Variants in SOX5 observed in about 807,000 individuals in gnomAD.
SOX5 encodes the protein transcription factor SOX-5.
Under a neutral mutation model 92.0 loss-of-function variants are expected in SOX5, and 9 were observed. The ratio of observed to expected loss-of-function variants is 0.10; its 90% confidence interval spans 0.06 to 0.17. SOX5 has a LOEUF of 0.17. Among genes scored for constraint, SOX5 ranks in the 10% least tolerant of loss-of-function variants. The probability of loss-of-function intolerance (pLI) is 1.00; values close to 1 mark genes in which losing one functional copy is unlikely to be tolerated. For synonymous variants in SOX5, 344 were observed against 336.3 expected, an observed-to-expected ratio of 1.02 and a Z score of -0.25; for missense variants, 642 against 944.5, an observed-to-expected ratio of 0.68 and a Z score of 4.20.
rs112157063 is a variant in SOX5 at position 23,767,573 on chromosome 12, T to C, written c.482-11849A>G. 2.6e-3 allele frequency among the ~76,000 whole-genome samples: 401 copies of C among 152,316 alleles called. 1 individual carries two copies. Among genetic ancestry groups the C allele is most frequent in the African/African-American group, 9.2e-3 (383 of 41,584 alleles). On this transcript the variant is annotated intron_variant, in intron 3 of 14. Coordinates refer to ENST00000451604, the MANE Select transcript of SOX5 (RefSeq NM_006940.6). ...ATGGTAGAAAACAAAATAGTCTATG[T>C]ACCTTGAATATAACTAACAGGGATT...
chr12:24,304,626 T>C (rs1948366825), intron 2 of SOX5, among the ~76,000 whole-genome samples: 1 of 152,154 alleles, frequency 6.6e-6, no homozygotes. Context: ...TCTACTCGCT[T>C]CGTATTTTAG....
chr12:23,711,927 T>G (rs1168125625), intron 6 of SOX5, among the ~76,000 whole-genome samples: 1 of 152,226 alleles, frequency 6.6e-6, no homozygotes, highest in Non-Finnish European at 1.5e-5. Context: ...GGCACCATCT[T>G]GGTGCTCTAA....
intron 4 of SOX5, among the ~76,000 whole-genome samples, chr12:24,016,191 G>A (rs1041400098): frequency 2.0e-5 from 3 of 152,098 alleles, no homozygotes; most frequent in Admixed American, 6.5e-5. Context: ...ACCTACCCTC[G>A]TGCCTTGTCT....
intron 2 of SOX5, among the ~76,000 whole-genome samples, chr12:23,865,847 G>C (rs1046065573): frequency 6.6e-6 from 1 of 152,130 alleles, no homozygotes; most frequent in African/African-American, 2.4e-5. Context: ...AGCATTAAGA[G>C]GAGTTTGAAA....
intron 4 of SOX5, among the ~76,000 whole-genome samples, chr12:24,037,668 T>C (rs4963738): frequency 0.12 from 18,850 of 152,234 alleles, 1,335 homozygotes; most frequent in Non-Finnish European, 0.16. Context: ...CTTAAACTTA[T>C]TTCTATTCCA....
At chr12:23,688,271 A>T (rs12317024) in intron 6 of SOX5, among the ~76,000 whole-genome samples, 1 of 151,798 alleles carries the variant, frequency 6.6e-6, no homozygotes, top group Non-Finnish European at 1.5e-5. Context: ...ATTATTTTTT[A>T]GACATGTGAC....
intron 2 of SOX5, among the ~76,000 whole-genome samples, chr12:23,890,284 C>T (rs2097115227): frequency 6.7e-6 from 1 of 149,924 alleles, no homozygotes; most frequent in South Asian, 2.1e-4. Context: ...TATGTCATTG[C>T]ACTCCAGCCT....
At chr12:24,300,751 G>T (rs1243940575) in intron 2 of SOX5, among the ~76,000 whole-genome samples, 1 of 152,154 alleles carries the variant, frequency 6.6e-6, no homozygotes, top group African/African-American at 2.4e-5. Context: ...AGAGGTAGCT[G>T]ATAGTCTACA....
At chr12:24,228,459 T>G (rs1962582109) in intron 3 of SOX5, among the ~76,000 whole-genome samples, 1 of 152,230 alleles carries the variant, frequency 6.6e-6, no homozygotes, top group African/African-American at 2.4e-5. Context: ...TTTTTGTCCA[T>G]ATGGCATGAA....
intron 4 of SOX5, among the ~76,000 whole-genome samples, chr12:23,994,160 G>A (rs1323689713): frequency 6.6e-6 from 1 of 151,744 alleles, no homozygotes; most frequent in Non-Finnish European, 1.5e-5. Flanking sequence ...ACAAGAAAAA[G>A]GAATGTTTCT....
chr12:23,789,593 A>T (rs1475245467), intron 3 of SOX5, among the ~76,000 whole-genome samples: 2 of 152,164 alleles, frequency 1.3e-5, no homozygotes, highest in Non-Finnish European at 2.9e-5. Context: ...TTCTTATTGT[A>T]TTAATATAGC....
chr12:24,444,270 ATG>A (rs56206607), intron 1 of SOX5, among the ~76,000 whole-genome samples: 14,028 of 149,144 alleles, frequency 0.094, 672 homozygotes, highest in Middle Eastern at 0.14. Flanking sequence ...AGGCCACTGA[ATG>A]TGTGTGTGTG....
At position 23,858,488 on chromosome 12, in the gene SOX5, C is replaced by T. The variant is rs145277431; in HGVS notation, c.271-12295G>A. The stretch of plus-strand genomic sequence containing the variant: ...AGAGAAATTCAAATAAAAACCACAG[C>T]GAGATACCATCTCACACCAGTCAGA... On this transcript the variant is annotated intron_variant, in intron 2 of 14. Coordinates refer to ENST00000451604, the MANE Select transcript of SOX5 (RefSeq NM_006940.6). 1.1e-3 allele frequency among the ~76,000 whole-genome samples: 170 copies of T among 152,176 alleles called. 3 individuals are homozygous for T. In the East Asian group the frequency reaches 0.02, roughly 17 times the overall value.
intron 2 of SOX5, among the ~76,000 whole-genome samples, chr12:23,851,595 T>C (rs2096634333): frequency 6.6e-6 from 1 of 152,188 alleles, no homozygotes; most frequent in African/African-American, 2.4e-5. Flanking sequence ...GTAATGATTA[T>C]GGATCAAGTC....
intron 3 of SOX5, among the ~76,000 whole-genome samples, chr12:24,216,628 A>G (rs1959181699): frequency 6.6e-6 from 1 of 152,130 alleles, no homozygotes; most frequent in Non-Finnish European, 1.5e-5. Flanking sequence ...TTGAATAAAA[A>G]CTATGGACAT....
At chr12:24,084,302 T>C (rs1246283591) in intron 4 of SOX5, among the ~76,000 whole-genome samples, 8 of 151,968 alleles carry the variant, frequency 5.3e-5, no homozygotes, top group African/African-American at 1.9e-4. Flanking sequence ...GTCAGTAAAA[T>C]GGTTAAGTGA....
intron 1 of SOX5, among the ~76,000 whole-genome samples, chr12:24,404,284 G>C (rs1222136491): frequency 1.3e-5 from 2 of 152,042 alleles, no homozygotes; most frequent in African/African-American, 4.8e-5. Flanking sequence ...TAGGAATATA[G>C]GTCAAAAGCA....
chr12:24,141,628 G>A (rs10771060), intron 4 of SOX5, among the ~76,000 whole-genome samples: 88,714 of 151,966 alleles, frequency 0.58, 26,247 homozygotes, highest in East Asian at 0.78. Flanking sequence ...CCCAATGGAC[G>A]GGTACCCTCT....
chr12:24,087,141 G>T (rs1341242583), intron 4 of SOX5, among the ~76,000 whole-genome samples: 1 of 151,962 alleles, frequency 6.6e-6, no homozygotes, highest in African/African-American at 2.4e-5. Flanking sequence ...CATGCTTTAA[G>T]AATTATCAAG....
Sources: gnomAD v4.1 joint callset for allele counts (sites outside exome capture counted in the v4.1 genomes callset) on GRCh38, gnomAD v4.1.1 for gene constraint, MANE v1.5 for transcripts, NCBI Gene and HGNC (gene_info 2026-07-23, HGNC 2026-07-21) for gene names.